Variants in AHNAK2 observed in about 807,000 individuals in gnomAD.
AHNAK2 encodes AHNAK nucleoprotein 2.
AHNAK2 carries 18 observed loss-of-function variants against 30.7 expected under a neutral mutation model. That is an observed-to-expected ratio of 0.59 (90% CI 0.41 to 0.87). AHNAK2 has a LOEUF of 0.87. Among genes scored for constraint, AHNAK2 ranks in the 40% least tolerant of loss-of-function variants. The probability of loss-of-function intolerance (pLI) is 0.00; values close to 1 mark genes in which losing one functional copy is unlikely to be tolerated. For missense variants in AHNAK2, 8,604 were observed against 7,373.0 expected (o/e 1.17, Z -6.11); for synonymous variants, 3,590 against 3,073.8 (o/e 1.17, Z -5.56).
At position 104,953,654 on chromosome 14, in the gene AHNAK2, C is replaced by T. The variant is rs1315131347; in HGVS notation, c.1797G>A (p.Lys599=). Residue 599 remains lysine, a synonymous_variant, in exon 7 of 7, where the codon AAG becomes AAA. Transcript: ENST00000333244. ...CTTCTGTGGCTTTTTCTCTGCCTGT[C>T]TTTGTGTGCTTGCTTGGCGACCATC... The part of the protein sequence containing the change: ...SLGWSPSKHT[K]TGREKATEDT... The T allele has an allele frequency of 1.2e-6, 2 of 1,613,766 alleles. No individual in the cohort carries two copies. The highest frequency in any genetic ancestry group is 1.7e-5 in the Admixed American group (1 of 59,998).
Position 104,946,583 on chromosome 14 carries a change from A to C in AHNAK2, c.8868T>G (p.Asp2956Glu). 1 of 1,612,378 alleles carries C rather than the reference A, an allele frequency of 6.2e-7. No homozygotes were observed. The highest frequency in any genetic ancestry group is 8.5e-7 in the Non-Finnish European group (1 of 1,179,510). The change falls in exon 7 of 7, where the codon GAT becomes GAG. Residue 2956 changes from aspartate (D) to glutamate (E), a missense_variant. Asp to Glu is a conservative substitution (Grantham distance 45). Transcript: ENST00000333244. ...VDVEAPRAKLDGARLEGDLSL... is the reference protein window; with the variant it reads ...VDVEAPRAKLEGARLEGDLSL... Reference sequence around the variant, plus strand: ...ACAGGTCACCCTCCAGCCGTGCACCATCCAGCTTTGCTCTCGGGGCCTCGA... The same window carrying C: ...ACAGGTCACCCTCCAGCCGTGCACCCTCCAGCTTTGCTCTCGGGGCCTCGA...
chr14:104,961,165 A>G (rs1899124513), intron 1 of AHNAK2, among the ~76,000 whole-genome samples: 1 of 151,904 alleles, frequency 6.6e-6, no homozygotes, highest in African/African-American at 2.4e-5. Context: ...AATGTATCTT[A>G]GAATTTTACA....
At chr14:104,963,977 A>G (rs931218673) in intron 1 of AHNAK2, among the ~76,000 whole-genome samples, 2 of 152,200 alleles carry the variant, frequency 1.3e-5, no homozygotes, top group Admixed American at 6.5e-5. Context: ...TAAAAATAGA[A>G]CTACCATTTG....
In AHNAK2 at chr14:104,944,838, T is replaced by A. The variant is rs1223621356; in HGVS notation, c.10613A>T (p.Asp3538Val). Residue 3538 changes from aspartate (D) to valine (V), a missense_variant, in exon 7 of 7, where the codon GAT becomes GTT. Coordinates refer to ENST00000333244, the MANE Select transcript of AHNAK2 (RefSeq NM_138420.4). ...ADLEVQAVQVDVELLEGPVPE... is the reference protein window; with the variant it reads ...ADLEVQAVQVVVELLEGPVPE... ...CACGGGGCCCTCCAGGAGTTCCACA[T>A]CCACTTGGACAGCCTGGACCTCCAG... 6.2e-7 allele frequency: 1 copy of A among 1,612,244 alleles called. No individual in the cohort carries two copies. The highest frequency in any genetic ancestry group is 1.3e-5 in the African/African-American group (1 of 74,536).
In AHNAK2 at chr14:104,946,628, C is replaced by T. The variant is rs1416313907; in HGVS notation, c.8823G>A (p.Leu2941=). 1 of 1,612,792 alleles carries T rather than the reference C, an allele frequency of 6.2e-7. No homozygotes were observed. The highest frequency in any genetic ancestry group is 8.5e-7 in the Non-Finnish European group (1 of 1,179,690). The change falls in exon 7 of 7, where the codon CTG becomes CTA. Residue 2941 remains leucine (L), a synonymous_variant. Transcript: ENST00000333244. ...CCTCGACGTCCACCTCCACGCTGGG[C>T]AGAGACACCTCCACGTCGGGGGCCG... ...EVTAPDVEVS[L]PSVEVDVEAP...
Position 104,966,033 on chromosome 14 carries a change from T to C in AHNAK2, c.56-8361A>G, listed in dbSNP as rs2582496. On this transcript the variant is annotated intron_variant, in intron 1 of 6. Coordinates refer to ENST00000333244, the MANE Select transcript of AHNAK2 (RefSeq NM_138420.4). This position sits in a 1 kb window ranked among gnomAD's most constrained non-coding sequence, Gnocchi z 4.3. ...CACTCCCTCACCGCTTCACGGGCCTTTCCTTGCCCTTCTGCAAGATGGCTC... is the reference window on the plus strand; with the variant it reads ...CACTCCCTCACCGCTTCACGGGCCTCTCCTTGCCCTTCTGCAAGATGGCTC... Among the ~76,000 whole-genome samples the C allele has an allele frequency of 0.67, 102,168 of 152,100 alleles. 34,510 individuals carry two copies. The highest frequency in any genetic ancestry group is 0.75 in the African/African-American group (30,980 of 41,498).
At position 104,950,833 on chromosome 14, in the gene AHNAK2, C is replaced by CA; in HGVS notation, c.4617dup (p.Asp1540Ter). ...GCAGAAGGGGGCTGTATGCTCAGGTCAGTGGCCTTGAGGTCCCCCTGCATG... is the reference window on the plus strand; with the variant it reads ...GCAGAAGGGGGCTGTATGCTCAGGTCAAGTGGCCTTGAGGTCCCCCTGCATG... On this transcript the variant is annotated frameshift_variant, in exon 7 of 7. Coordinates refer to ENST00000333244, the MANE Select transcript of AHNAK2 (RefSeq NM_138420.4). LOFTEE classifies it low-confidence loss of function (END_TRUNC). 1 of 1,585,734 alleles carries CA rather than the reference C, an allele frequency of 6.3e-7. No individual in the cohort carries two copies. Among genetic ancestry groups the CA allele is most frequent in the Non-Finnish European group, 8.6e-7 (1 of 1,161,588 alleles).
In AHNAK2 at chr14:104,944,561, G is replaced by C. The variant is rs201414648; in HGVS notation, c.10890C>G (p.Asp3630Glu). ...LEGDLSLADK[D>E]VTAKDSKFKM... Reference sequence around the variant, plus strand: ...TGAACTTGCTGTCTTTGGCAGTCACGTCCTTGTCAGCCAGGGACAGGTCTC... The same window carrying C: ...TGAACTTGCTGTCTTTGGCAGTCACCTCCTTGTCAGCCAGGGACAGGTCTC... The change falls in exon 7 of 7, where the codon GAC becomes GAG. Residue 3630 changes from aspartate (D) to glutamate (E), a missense_variant. Coordinates refer to ENST00000333244, the MANE Select transcript of AHNAK2 (RefSeq NM_138420.4). The C allele has an allele frequency of 6.2e-7, 1 of 1,607,822 alleles. No individual in the cohort carries two copies. The highest frequency in any genetic ancestry group is 1.4e-5 in the African/African-American group (1 of 73,488).
chr14:104,953,569 GTC>G lies in AHNAK2; in HGVS notation c.1880_1881del (p.Arg627ThrfsTer13), dbSNP rs1898870906. On this transcript the variant is annotated frameshift_variant, in exon 7 of 7. Transcript: ENST00000333244. LOFTEE classifies it low-confidence loss of function (END_TRUNC). Reference sequence around the variant, plus strand: ...TTGTCTTTTAATCCTTCCTCTGTGCGTCTCTGTTCTCTTCTATCAGCTGTTGC... The same window carrying G: ...TTGTCTTTTAATCCTTCCTCTGTGCGTCTGTTCTCTTCTATCAGCTGTTGC... Reference protein sequence around the residue: ...ATATADRREQRRTEEGLKDKE... With the variant: ...ATATADRREQXRTEEGLKDKE... 6.2e-7 allele frequency: 1 copy of G among 1,613,914 alleles called. No individual in the cohort carries two copies. The highest frequency in any genetic ancestry group is 1.3e-5 in the African/African-American group (1 of 75,006).
At position 104,938,025 on chromosome 14, in the gene AHNAK2, GT is replaced by G. The variant is rs1479974281; in HGVS notation, c.*37del. 6.3e-7 allele frequency: 1 copy of G among 1,580,382 alleles called. No individual in the cohort carries two copies. The highest frequency in any genetic ancestry group is 2.3e-5 in the East Asian group (1 of 44,426). ...TGTGTAGCCTTTACTTTCCAACTTA[GT>G]TTTTTGCATCTCTCTTGTACTGATG... On this transcript the variant is annotated 3_prime_UTR_variant, in exon 7 of 7. Transcript: ENST00000333244.
At chr14:104,971,457 C>T (rs1166603857) in intron 1 of AHNAK2, among the ~76,000 whole-genome samples, 1 of 152,110 alleles carries the variant, frequency 6.6e-6, no homozygotes, top group African/African-American at 2.4e-5. Context: ...CCTGTGTTGC[C>T]CTGGCTAGTC....
Position 104,940,849 on chromosome 14 carries a change from G to A in AHNAK2, c.14602C>T (p.Pro4868Ser), listed in dbSNP as rs1230768049. The change falls in exon 7 of 7, where the codon CCA (proline) becomes TCA (serine). Residue 4868 changes from proline (P) to serine (S), a missense_variant. By Grantham distance (74) the Pro-to-Ser change is moderately conservative. Coordinates refer to ENST00000333244, the MANE Select transcript of AHNAK2 (RefSeq NM_138420.4). The surrounding 1 kb of genome is among the most constrained non-coding windows in gnomAD (Gnocchi z 4.4). ...GQVSFPKFYK[P>S]KFVFSVPQMA... is the part of the protein sequence containing the mutation. The stretch of plus-strand genomic sequence containing the variant: ...TGGGGGACTGAAAACACAAACTTTG[G>A]TTTATAGAATTTAGGAAAAGATACC... 3 of 1,613,090 alleles carry A rather than the reference G, an allele frequency of 1.9e-6. No homozygotes were observed. The highest frequency in any genetic ancestry group is 3.3e-5 in the Admixed American group (2 of 60,008).
intron 1 of AHNAK2, among the ~76,000 whole-genome samples, chr14:104,964,154 C>G (rs1349844143): frequency 6.6e-6 from 1 of 152,170 alleles, no homozygotes; most frequent in African/African-American, 2.4e-5. Flanking sequence ...AAAAGACAAA[C>G]AACCCGATAG....
At position 104,942,941 on chromosome 14, in the gene AHNAK2, G is replaced by T. The variant is rs1174881216; in HGVS notation, c.12510C>A (p.Pro4170=). The T allele has an allele frequency of 6.2e-7, 1 of 1,612,646 alleles. No homozygotes were observed. Among genetic ancestry groups the T allele is most frequent in the Non-Finnish European group, 8.5e-7 (1 of 1,179,418 alleles). ...ELKAKADVSL[P]SMQGDLKTTD... The stretch of plus-strand genomic sequence containing the variant: ...TGGTCTTGAGGTCCCCCTGCATGGA[G>T]GGGAGGCTCACGTCGGCTTTCGCCT... The change falls in exon 7 of 7, where the codon CCC becomes CCA. Residue 4170 remains proline (P), a synonymous_variant. Coordinates refer to ENST00000333244, the MANE Select transcript of AHNAK2 (RefSeq NM_138420.4).
Position 104,947,190 on chromosome 14 carries a change from T to C in AHNAK2, c.8261A>G (p.Lys2754Arg). ...GCCTTTCAGGTCCACGTTGGGGCCCTTAACATCTATCTGGGGGCCCTTGAG... is the reference window on the plus strand; with the variant it reads ...GCCTTTCAGGTCCACGTTGGGGCCCCTAACATCTATCTGGGGGCCCTTGAG... ...VDLKGPQIDV[K>R]GPNVDLKGPK... The change falls in exon 7 of 7, where the codon AAG becomes AGG. Residue 2754 changes from lysine to arginine, a missense_variant. Physicochemically the swap from Lys to Arg is conservative, Grantham distance 26. Coordinates refer to ENST00000333244, the MANE Select transcript of AHNAK2 (RefSeq NM_138420.4). 6.2e-7 allele frequency: 1 copy of C among 1,612,034 alleles called. No individual in the cohort carries two copies. The highest frequency in any genetic ancestry group is 8.5e-7 in the Non-Finnish European group (1 of 1,179,494).
Position 104,943,425 on chromosome 14 carries a change from C to G in AHNAK2, c.12026G>C (p.Gly4009Ala), listed in dbSNP as rs771577340. Residue 4009 changes from glycine (G) to alanine (A), a missense_variant, in exon 7 of 7, where the codon GGG becomes GCG. Physicochemically the swap from Gly to Ala is moderately conservative, Grantham distance 60 (BLOSUM62 0). Transcript: ENST00000333244. ...GCTGAGGTCAGTGGCCTTGAGGTCC[C>G]CCTGCATGGAAGGGAGGCTCACGTC... ...EADVSLPSMQ[G>A]DLKATDLSVQ... 2 of 1,613,304 alleles carry G rather than the reference C, an allele frequency of 1.2e-6. No individual in the cohort carries two copies. Among genetic ancestry groups the G allele is most frequent in the Admixed American group, 1.7e-5 (1 of 59,978 alleles).
chr14:104,945,000 C>G lies in AHNAK2; in HGVS notation c.10451G>C (p.Gly3484Ala). Residue 3484 changes from glycine (G) to alanine (A), a missense_variant, in exon 7 of 7, where the codon GGG becomes GCG. Transcript: ENST00000333244. ...KMPKFKMPSF[G>A]VSAPGRSIEA... ...GATGGACCTGCCTGGGGCCGACACCCCGAAGGAGGGCATCTTGAACTTGGG... is the reference window on the plus strand; with the variant it reads ...GATGGACCTGCCTGGGGCCGACACCGCGAAGGAGGGCATCTTGAACTTGGG... 1.2e-6 allele frequency: 2 copies of G among 1,612,940 alleles called. No individual in the cohort carries two copies. The highest frequency in any genetic ancestry group is 2.2e-5 in the South Asian group (2 of 91,032).
intron 1 of AHNAK2, among the ~76,000 whole-genome samples, chr14:104,969,902 G>C (rs1238080831): frequency 1.3e-5 from 2 of 152,126 alleles, no homozygotes; most frequent in East Asian, 1.9e-4. Flanking sequence ...CATCGCCCCA[G>C]GCCCCCACAG....
Position 104,953,373 on chromosome 14 carries a change from G to T in AHNAK2, c.2078C>A (p.Ser693Tyr). 6.2e-7 allele frequency: 1 copy of T among 1,613,788 alleles called. No individual in the cohort carries two copies. Among genetic ancestry groups the T allele is most frequent in the Non-Finnish European group, 8.5e-7 (1 of 1,179,852 alleles). Residue 693 changes from serine (S) to tyrosine (Y), a missense_variant, in exon 7 of 7, where the codon TCC (serine) becomes TAC (tyrosine). Transcript: ENST00000333244. ...AGACACATCCACCGAGGCCTCCATGGACTTGCCTGGGGCTGACGCCCCGAA... is the reference window on the plus strand; with the variant it reads ...AGACACATCCACCGAGGCCTCCATGTACTTGCCTGGGGCTGACGCCCCGAA... ...PLFGASAPGK[S>Y]MEASVDVSAP...
Sources: allele counts gnomAD v4.1 joint callset (sites outside exome capture counted in the v4.1 genomes callset), GRCh38; gene constraint gnomAD v4.1.1; non-coding constraint Gnocchi (gnomAD v3.1); transcripts MANE v1.5; gene names NCBI Gene and HGNC (gene_info 2026-07-23, HGNC 2026-07-21).